Variants in C1orf21 observed in about 807,000 individuals in gnomAD.
The protein encoded by C1orf21 is chromosome 1 open reading frame 21.
A neutral mutation model predicts 18.7 loss-of-function variants in C1orf21; 3 were observed. That is an observed-to-expected ratio of 0.16 (90% CI 0.07 to 0.42). The LOEUF is 0.42. Ranked by LOEUF, C1orf21 falls within the 10% of genes least tolerant of loss-of-function variation. The pLI is 0.99. For missense variants in C1orf21, 104 were observed against 143.6 expected (o/e 0.72, Z 1.41); for synonymous variants, 41 against 46.4 (o/e 0.88, Z 0.47).
chr1:184,493,245 G>A (rs780435343), intron 2 of C1orf21, among the ~76,000 whole-genome samples: 18 of 152,326 alleles, frequency 1.2e-4, no homozygotes, highest in South Asian at 2.1e-4. Flanking sequence ...GACACAGGCC[G>A]TGAGGAATAC....
At chr1:184,530,879 T>C (rs892102568) in intron 3 of C1orf21, among the ~76,000 whole-genome samples, 3 of 152,070 alleles carry the variant, frequency 2.0e-5, no homozygotes, top group Non-Finnish European at 2.9e-5. Flanking sequence ...GGGGCAACAG[T>C]CTTGATATTT....
Position 184,626,237 on chromosome 1 carries a change from A to G in C1orf21, c.*6681A>G, listed in dbSNP as rs1245481284. 1 of 152,198 alleles carries G rather than the reference A, an allele frequency of 6.6e-6. No individual in the cohort carries two copies. The highest frequency in any genetic ancestry group is 1.9e-4 in the East Asian group (1 of 5,184). The allele number at this position is 152,198 out of a possible 1,614,324, so 9.4% of individuals were successfully genotyped here. ...CAGCATGGAAGTACCCTACAGGGGA[A>G]AGTCCTGAGTGCTGTGGGAGCATCT... On this transcript the variant is annotated 3_prime_UTR_variant, in exon 6 of 6. Coordinates refer to ENST00000235307, the MANE Select transcript of C1orf21 (RefSeq NM_030806.4).
chr1:184,598,469 GTGAAA>G lies in C1orf21; in HGVS notation c.327+10_327+14del. 22 of 1,610,204 alleles carry G rather than the reference GTGAAA, an allele frequency of 1.4e-5. No homozygotes were observed. Among genetic ancestry groups the G allele is most frequent in the Non-Finnish European group, 1.8e-5 (21 of 1,177,198 alleles). On this transcript the variant is annotated intron_variant, in intron 5 of 5. Transcript: ENST00000235307. ...GATGAAAAAATTGAAAAGGTAAGAA[GTGAAA>G]TAAATAACCTACATGTTTCAAGGGA...
intron 2 of C1orf21, among the ~76,000 whole-genome samples, chr1:184,492,318 T>A (rs1342098652): frequency 6.6e-6 from 1 of 152,208 alleles, no homozygotes; most frequent in African/African-American, 2.4e-5. Context: ...ACTGTGTGAT[T>A]GCTATGGGAG....
At chr1:184,410,294 T>C (rs1656311534) in intron 1 of C1orf21, among the ~76,000 whole-genome samples, 1 of 152,002 alleles carries the variant, frequency 6.6e-6, no homozygotes, top group Admixed American at 6.6e-5. Context: ...AGGATGATTT[T>C]TCAGGTGGAT....
At chr1:184,588,739 G>A (rs918035011) in intron 3 of C1orf21, among the ~76,000 whole-genome samples, 1 of 152,210 alleles carries the variant, frequency 6.6e-6, no homozygotes, top group African/African-American at 2.4e-5. Context: ...TCAGTGAGTG[G>A]TTATTATTGG....
intron 3 of C1orf21, among the ~76,000 whole-genome samples, chr1:184,579,527 T>G (rs1659247291): frequency 6.8e-6 from 1 of 147,654 alleles, no homozygotes; most frequent in Non-Finnish European, 1.5e-5. Flanking sequence ...TTTTTTTGTT[T>G]AAGATGGAGT....
chr1:184,625,149 C>G lies in C1orf21; in HGVS notation c.*5593C>G, dbSNP rs1468217596. 6.6e-6 allele frequency: 1 copy of G among 152,240 alleles called. No individual in the cohort carries two copies. Among genetic ancestry groups the G allele is most frequent in the Non-Finnish European group, 1.5e-5 (1 of 68,056 alleles). 9.4% of individuals were successfully genotyped at this position (152,240 alleles called of 1,614,324 possible). A position where few individuals can be genotyped will look rare whatever the true frequency, so the allele number is the denominator to read the frequency against. On this transcript the variant is annotated 3_prime_UTR_variant, in exon 6 of 6. Coordinates refer to ENST00000235307, the MANE Select transcript of C1orf21 (RefSeq NM_030806.4). ...ATTCTGATAGTGTCTGCCCTCTCTACCCTGATTTCGCCCTTCTTTGCTTCC... is the reference window on the plus strand; with the variant it reads ...ATTCTGATAGTGTCTGCCCTCTCTAGCCTGATTTCGCCCTTCTTTGCTTCC...
At chr1:184,490,825 G>A (rs1657805989) in intron 2 of C1orf21, among the ~76,000 whole-genome samples, 1 of 151,954 alleles carries the variant, frequency 6.6e-6, no homozygotes, top group African/African-American at 2.4e-5. Context: ...TACCAGGAAG[G>A]GTTAGTAATG....
At chr1:184,402,275 T>C (rs964050741) in intron 1 of C1orf21, among the ~76,000 whole-genome samples, 1 of 152,228 alleles carries the variant, frequency 6.6e-6, no homozygotes, top group Non-Finnish European at 1.5e-5. Flanking sequence ...GATTTTATCA[T>C]GAACATTTAC....
intron 3 of C1orf21, among the ~76,000 whole-genome samples, chr1:184,583,353 GA>G (rs1183026822): frequency 1.3e-5 from 2 of 152,162 alleles, no homozygotes; most frequent in African/African-American, 4.8e-5. Flanking sequence ...TCAAGCAAAG[GA>G]AAAAATTGTT....
chr1:184,432,155 A>G (rs142450743), intron 1 of C1orf21, among the ~76,000 whole-genome samples: 3,962 of 152,330 alleles, frequency 0.026, 166 homozygotes, highest in African/African-American at 0.091. Context: ...CATTTGACCC[A>G]GCAATCCCAT....
intron 3 of C1orf21, among the ~76,000 whole-genome samples, chr1:184,559,771 C>T (rs1658936704): frequency 6.6e-6 from 1 of 152,072 alleles, no homozygotes; most frequent in Non-Finnish European, 1.5e-5. Flanking sequence ...GTGCATGCCA[C>T]CATGCCCAGC....
intron 5 of C1orf21, among the ~76,000 whole-genome samples, chr1:184,602,686 A>G (rs1659600691): frequency 6.6e-6 from 1 of 152,248 alleles, no homozygotes; most frequent in Non-Finnish European, 1.5e-5. Flanking sequence ...GTTTCTGAAT[A>G]TAGCACCAAA....
At chr1:184,445,466 A>G (rs1397500402) in intron 1 of C1orf21, among the ~76,000 whole-genome samples, 1 of 124,076 alleles carries the variant, frequency 8.1e-6, no homozygotes, top group Non-Finnish European at 1.7e-5. Context: ...GGAAAAACCT[A>G]TTAATTTATC....
intron 3 of C1orf21, among the ~76,000 whole-genome samples, chr1:184,584,245 T>C (rs993873198): frequency 6.6e-6 from 1 of 151,712 alleles, no homozygotes; most frequent in Non-Finnish European, 1.5e-5. Context: ...TAAAACTGAC[T>C]TCTTTATGCA....
intron 1 of C1orf21, among the ~76,000 whole-genome samples, chr1:184,459,083 C>T (rs1489478673): frequency 6.6e-6 from 1 of 151,962 alleles, no homozygotes; most frequent in Non-Finnish European, 1.5e-5. Context: ...ACTTTTTTTC[C>T]ATATCTTGAT....
In C1orf21 at chr1:184,406,431, G is replaced by T. The variant is rs115421229; in HGVS notation, c.-125+19063G>T. ...AACATTGATATTAATGATAAGTGTT[G>T]TTTTTTGGAAAATGAAATTTGTATT... On this transcript the variant is annotated intron_variant, in intron 1 of 5. Transcript: ENST00000235307. 3.3e-3 allele frequency among the ~76,000 whole-genome samples: 504 copies of T among 152,236 alleles called. 5 individuals are homozygous for T. Among genetic ancestry groups the T allele is most frequent in the African/African-American group, 0.011 (477 of 41,536 alleles).
intron 5 of C1orf21, among the ~76,000 whole-genome samples, chr1:184,604,992 A>G (rs1298514034): frequency 6.6e-6 from 1 of 152,236 alleles, no homozygotes; most frequent in Admixed American, 6.5e-5. Flanking sequence ...TCTGTGCATC[A>G]GGTGTGGCCA....
Sources: gnomAD v4.1 joint callset for allele counts (sites outside exome capture counted in the v4.1 genomes callset) on GRCh38, gnomAD v4.1.1 for gene constraint, MANE v1.5 for transcripts, NCBI Gene and HGNC (gene_info 2026-07-23, HGNC 2026-07-21) for gene names.